The following MYT1L variants were observed in gnomAD, a reference collection of about 807,000 sequenced individuals.
MYT1L encodes the protein myelin transcription factor 1 like.
A neutral mutation model predicts 126.7 loss-of-function variants in MYT1L; 12 were observed. The observed-to-expected ratio is 0.09, with a 90% CI of 0.06 to 0.15. The LOEUF is 0.15. Ranked by LOEUF, MYT1L falls within the 10% of genes least tolerant of loss-of-function variation. MYT1L has a pLI of 1.00. For synonymous variants in MYT1L, 541 were observed against 604.2 expected, an observed-to-expected ratio of 0.90 and a Z score of 1.53; for missense variants, 979 against 1,585.2, an observed-to-expected ratio of 0.62 and a Z score of 6.49.
intron 18 of MYT1L, among the ~76,000 whole-genome samples, chr2:1,879,560 C>A (rs2047296939): frequency 6.6e-6 from 1 of 152,082 alleles, no homozygotes; most frequent in Non-Finnish European, 1.5e-5. Flanking sequence ...TAACATGTCT[C>A]ATGAAAGGAA....
At chr2:2,285,678 C>T (rs1320462755) in intron 1 of MYT1L, among the ~76,000 whole-genome samples, 7 of 152,204 alleles carry the variant, frequency 4.6e-5, no homozygotes, top group Admixed American at 3.9e-4. Flanking sequence ...CAGGGATCTT[C>T]ATGGTAAGAG....
intron 18 of MYT1L, 107 bp downstream of exon 18, chr2:1,886,432 C>T (rs1015459261): frequency 7.7e-6 from 6 of 776,522 alleles, no homozygotes; most frequent in Middle Eastern, 3.7e-4. Context: ...GGTGCACAGG[C>T]CATGTTTTTT....
In MYT1L at chr2:1,979,448, G is replaced by A. The variant is rs915861872; in HGVS notation, c.89+73C>T. 2 of 1,396,020 alleles carry A rather than the reference G, an allele frequency of 1.4e-6. No homozygotes were observed. Among genetic ancestry groups the A allele is most frequent in the Non-Finnish European group, 2.0e-6 (2 of 981,708 alleles). The allele number at this position is 1,396,020 out of a possible 1,614,324, so 86.5% of individuals were successfully genotyped here. A position where few individuals can be genotyped will look rare whatever the true frequency, so the allele number is the denominator to read the frequency against. ...GCAAGCTGCCGATGAGCTGGAAGGT[G>A]CAGTGTGCCCATTAGAAGGCGTGAA... On this transcript the variant is annotated intron_variant, in intron 7 of 24. Transcript: ENST00000647738. The surrounding 1 kb of genome is among the most constrained non-coding windows in gnomAD (Gnocchi z 4.0).
At chr2:1,819,041 G>A (rs902684579) in intron 21 of MYT1L, among the ~76,000 whole-genome samples, 8 of 152,206 alleles carry the variant, frequency 5.3e-5, no homozygotes, top group Middle Eastern at 3.4e-3. Context: ...TGGGGTGCAT[G>A]TCCACCTGCC....
At chr2:1,996,925 A>G in intron 5 of MYT1L, among the ~76,000 whole-genome samples, 1 of 135,002 alleles carries the variant, frequency 7.4e-6, no homozygotes, top group Non-Finnish European at 1.6e-5. Flanking sequence ...GCCTTTACCT[A>G]GTGAGTGAGG....
At chr2:1,939,980 G>A (rs965342693) in intron 9 of MYT1L, among the ~76,000 whole-genome samples, 3 of 152,236 alleles carry the variant, frequency 2.0e-5, no homozygotes, top group Non-Finnish European at 2.9e-5. Flanking sequence ...ACAAGCCTTC[G>A]GTGTCCCTCC....
intron 18 of MYT1L, among the ~76,000 whole-genome samples, chr2:1,873,402 T>C (rs866145445): frequency 1.3e-5 from 2 of 152,164 alleles, no homozygotes; most frequent in South Asian, 4.1e-4. Flanking sequence ...GAGAAAAAAA[T>C]GAGAAATACT....
At chr2:2,210,325 C>A (rs754898386) in intron 2 of MYT1L, among the ~76,000 whole-genome samples, 12 of 152,174 alleles carry the variant, frequency 7.9e-5, no homozygotes, top group Admixed American at 1.3e-4. Flanking sequence ...TTGCCCAGAC[C>A]AATATCCTAG....
chr2:2,307,834 T>C (rs13388971), intron 1 of MYT1L, among the ~76,000 whole-genome samples: 6 of 97,944 alleles, frequency 6.1e-5, no homozygotes, highest in Non-Finnish European at 9.9e-5. Context: ...ACTCCACCTA[T>C]ACTTCAGTAC....
At chr2:1,894,874 C>T (rs1364710958) in intron 14 of MYT1L, among the ~76,000 whole-genome samples, 2 of 152,176 alleles carry the variant, frequency 1.3e-5, no homozygotes, top group Non-Finnish European at 1.5e-5. Context: ...ACAGCATCCT[C>T]CAACAGGATT....
chr2:1,791,026 C>T lies in MYT1L; in HGVS notation c.*841G>A, dbSNP rs1476747238. 7 of 306,042 alleles carry T rather than the reference C, an allele frequency of 2.3e-5. No individual in the cohort carries two copies. Among genetic ancestry groups the T allele is most frequent in the Admixed American group, 9.8e-5 (2 of 20,464 alleles). The allele number at this position is 306,042 out of a possible 1,614,324, so 19.0% of individuals were successfully genotyped here. ...TTGAAAATGGAAAAGGAAATCTTCA[C>T]GTTGTCCACCTCTGATAAGATCCTG... On this transcript the variant is annotated 3_prime_UTR_variant, in exon 25 of 25. Transcript: ENST00000647738. The surrounding 1 kb of genome is among the most constrained non-coding windows in gnomAD (Gnocchi z 6.0).
chr2:2,207,374 C>T (rs1657108357), intron 2 of MYT1L, among the ~76,000 whole-genome samples: 1 of 152,196 alleles, frequency 6.6e-6, no homozygotes, highest in African/African-American at 2.4e-5. Flanking sequence ...CTTTCCCCAT[C>T]ATTGTCCTTT....
intron 4 of MYT1L, among the ~76,000 whole-genome samples, chr2:2,049,188 A>G (rs1337303926): frequency 1.3e-5 from 2 of 152,220 alleles, no homozygotes; most frequent in Admixed American, 6.5e-5. Flanking sequence ...GGAAACATGT[A>G]TGAGGATGAT....
intron 4 of MYT1L, among the ~76,000 whole-genome samples, chr2:2,001,385 C>T (rs542963765): frequency 1.3e-5 from 2 of 152,178 alleles, no homozygotes; most frequent in East Asian, 3.9e-4. Flanking sequence ...GTCACAGTCA[C>T]ACATTTGCAT....
intron 2 of MYT1L, among the ~76,000 whole-genome samples, chr2:2,244,354 A>C (rs2094493394): frequency 6.6e-6 from 1 of 152,204 alleles, no homozygotes; most frequent in South Asian, 2.1e-4. Context: ...ACTTATGAGA[A>C]GGGAAAAATA....
chr2:2,286,869 G>C (rs546434566), intron 1 of MYT1L, among the ~76,000 whole-genome samples: 185 of 152,308 alleles, frequency 1.2e-3, no homozygotes, highest in African/African-American at 4.2e-3. Flanking sequence ...CGAAGGCAGG[G>C]AGTGGAAGAG....
chr2:2,117,989 C>T (rs887231962), intron 3 of MYT1L, among the ~76,000 whole-genome samples: 1 of 151,516 alleles, frequency 6.6e-6, no homozygotes, highest in African/African-American at 2.4e-5. Context: ...TATATATGTA[C>T]AAAAACACAC....
At chr2:2,132,475 C>T (rs1161389483) in intron 3 of MYT1L, among the ~76,000 whole-genome samples, 1 of 144,602 alleles carries the variant, frequency 6.9e-6, no homozygotes, top group East Asian at 2.0e-4. Flanking sequence ...AACACAGGAA[C>T]AGAAAACCAA....
chr2:2,168,367 C>T (rs2089499927), intron 3 of MYT1L, among the ~76,000 whole-genome samples: 1 of 152,214 alleles, frequency 6.6e-6, no homozygotes, highest in Non-Finnish European at 1.5e-5. Flanking sequence ...CTTTCTGCTA[C>T]TTTTGACCTT....
Sources: gnomAD v4.1 joint callset for allele counts (sites outside exome capture counted in the v4.1 genomes callset) on GRCh38, gnomAD v4.1.1 for gene constraint, Gnocchi (gnomAD v3.1) non-coding constraint, MANE v1.5 for transcripts, NCBI Gene and HGNC (gene_info 2026-07-23, HGNC 2026-07-21) for gene names.